Variants in CTDSPL2 observed in about 807,000 individuals in gnomAD.
CTDSPL2 encodes the protein CTD small phosphatase-like protein 2.
Under a neutral mutation model 60.0 loss-of-function variants are expected in CTDSPL2, and 5 were observed. The observed-to-expected ratio is 0.08, with a 90% CI of 0.04 to 0.18. The LOEUF (loss-of-function observed/expected upper bound fraction) is 0.18, where lower values mean the gene tolerates loss of function less well. CTDSPL2 is among the 10% of genes least tolerant of loss of function. The pLI is 1.00. For missense variants in CTDSPL2, 370 were observed against 548.8 expected, an observed-to-expected ratio of 0.67 and a Z score of 3.26; for synonymous variants, 186 against 189.3, an observed-to-expected ratio of 0.98 and a Z score of 0.14.
chr15:44,436,558 T>C (rs2141266955), intron 1 of CTDSPL2, among the ~76,000 whole-genome samples: 1 of 152,326 alleles, frequency 6.6e-6, no homozygotes. Context: ...AGTGCTAGAA[T>C]GATTGCATGA....
chr15:44,511,443 C>G (rs1032741270), intron 8 of CTDSPL2, among the ~76,000 whole-genome samples: 1 of 152,144 alleles, frequency 6.6e-6, no homozygotes, highest in Non-Finnish European at 1.5e-5. Context: ...ATATTGTTAA[C>G]TAGACATATT....
At chr15:44,431,720 T>TTTGTTTG in intron 1 of CTDSPL2, among the ~76,000 whole-genome samples, 1 of 129,652 alleles carries the variant, frequency 7.7e-6, no homozygotes, top group Non-Finnish European at 1.6e-5. Flanking sequence ...TTGTTTGTTT[T>TTTGTTTG]TTTTTTTTTT....
intron 1 of CTDSPL2, among the ~76,000 whole-genome samples, chr15:44,439,980 A>G (rs2080051962): frequency 6.6e-6 from 1 of 151,982 alleles, no homozygotes; most frequent in South Asian, 2.1e-4. Flanking sequence ...TTCTTTTTAG[A>G]TGATTGGTAG....
chr15:44,499,910 G>T (rs1204893329), intron 8 of CTDSPL2, 97 bp downstream of exon 8: 2 of 668,010 alleles, frequency 3.0e-6, no homozygotes, highest in East Asian at 5.4e-5. Context: ...CATTAAATGT[G>T]TTTTTCTGTA....
Position 44,521,291 on chromosome 15 carries a change from TTAC to T in CTDSPL2, c.1240-18_1240-16del. The T allele has an allele frequency of 8.7e-7, 1 of 1,154,718 alleles. No individual in the cohort carries two copies. Among genetic ancestry groups the T allele is most frequent in the Non-Finnish European group, 1.3e-6 (1 of 789,948 alleles). 71.5% of individuals were successfully genotyped at this position (1,154,718 alleles called of 1,614,324 possible). A position where few individuals can be genotyped will look rare whatever the true frequency, so the allele number is the denominator to read the frequency against. ...AAAATATAAGTAAAAGAGGATTTAATTACTTATTTATTGTTTTAGCTTTCTAAT... is the reference window on the plus strand; with the variant it reads ...AAAATATAAGTAAAAGAGGATTTAATTTATTTATTGTTTTAGCTTTCTAAT... On this transcript the variant is annotated splice_polypyrimidine_tract_variant and intron_variant, in intron 11 of 12. Transcript: ENST00000260327.
At chr15:44,488,904 A>G (rs1037866347) in intron 4 of CTDSPL2, among the ~76,000 whole-genome samples, 1 of 152,204 alleles carries the variant, frequency 6.6e-6, no homozygotes, top group Non-Finnish European at 1.5e-5. Context: ...GAAGGTGTGT[A>G]TATCTCTGAA....
chr15:44,475,205 T>G (rs1401979020), intron 2 of CTDSPL2, among the ~76,000 whole-genome samples: 1 of 152,056 alleles, frequency 6.6e-6, no homozygotes, highest in East Asian at 1.9e-4. Context: ...ATTCAGTGAT[T>G]TAACTTAGCA....
intron 6 of CTDSPL2, among the ~76,000 whole-genome samples, chr15:44,496,701 A>G (rs968061437): frequency 6.6e-6 from 1 of 152,142 alleles, no homozygotes; most frequent in Non-Finnish European, 1.5e-5. Flanking sequence ...TCCCTATAAA[A>G]AATACAGAAA....
intron 11 of CTDSPL2, chr15:44,520,794 T>G (rs1227060209): frequency 6.6e-6 from 1 of 152,188 alleles, no homozygotes; most frequent in East Asian, 1.9e-4. Flanking sequence ...GTTTTTAGGC[T>G]CCTCTTCAAT....
chr15:44,456,881 T>TG lies in CTDSPL2; in HGVS notation c.-24-2110_-24-2109insG, dbSNP rs1202831795. 4.6e-3 allele frequency among the ~76,000 whole-genome samples: 672 copies of TG among 146,152 alleles called. 6 individuals are homozygous for TG. The highest frequency in any genetic ancestry group is 0.016 in the African/African-American group (621 of 38,202). On this transcript the variant is annotated intron_variant, in intron 1 of 12. Coordinates refer to ENST00000260327, the MANE Select transcript of CTDSPL2 (RefSeq NM_016396.3). ...TTTTTTTTTTCTTTTTTTTTTTGTTTTTTTTTCTTTTTTTTGAAACAGGCT... is the reference window on the plus strand; with the variant it reads ...TTTTTTTTTTCTTTTTTTTTTTGTTTGTTTTTTCTTTTTTTTGAAACAGGCT...
At chr15:44,524,079 C>G in intron 12 of CTDSPL2, 30 bp from the exon 13 acceptor site, 1 of 1,591,680 alleles carries the variant, frequency 6.3e-7, no homozygotes. Context: ...AATTTTATGC[C>G]TTTTTAAAAA....
At chr15:44,479,406 C>CCTTTTTTTTTTTTTTTTTTTTTTTTTT (rs2080983556) in intron 2 of CTDSPL2, among the ~76,000 whole-genome samples, 1 of 133,334 alleles carries the variant, frequency 7.5e-6, no homozygotes, top group Non-Finnish European at 1.6e-5. Context: ...TATTTTCTTT[C>CCTTTTTTTTTTTTTTTTTTTTTTTTTT]CTTTTTTTTT....
At chr15:44,458,930 A>G (rs2080504105) in intron 1 of CTDSPL2, 61 bp from the exon 2 acceptor site, 1 of 1,122,966 alleles carries the variant, frequency 8.9e-7, no homozygotes, top group African/African-American at 1.6e-5. Flanking sequence ...ACATTTGGGT[A>G]GAGAAGGTTG....
chr15:44,488,597 G>A (rs999512889), intron 4 of CTDSPL2, among the ~76,000 whole-genome samples: 2 of 152,088 alleles, frequency 1.3e-5, no homozygotes, highest in African/African-American at 4.8e-5. Flanking sequence ...CGGATCACTT[G>A]AGGTCAGGAG....
chr15:44,507,285 A>G (rs946520839), intron 8 of CTDSPL2, among the ~76,000 whole-genome samples: 6 of 149,350 alleles, frequency 4.0e-5, no homozygotes, highest in Non-Finnish European at 7.4e-5. Flanking sequence ...GGGTTTCACC[A>G]TGTTGGCCAG....
chr15:44,466,672 C>T (rs963894553), intron 2 of CTDSPL2, among the ~76,000 whole-genome samples: 6 of 151,922 alleles, frequency 3.9e-5, no homozygotes, highest in Middle Eastern at 3.4e-3. Context: ...TGGCCGGGCG[C>T]GGTGGCTCAT....
rs2081015272 is a variant in CTDSPL2, at chr15:44,480,901, G to T, written c.187-3323G>T. Among the ~76,000 whole-genome samples, 3 of 152,308 alleles carry T rather than the reference G, an allele frequency of 2.0e-5. No homozygotes were observed. In the South Asian group the frequency reaches 6.2e-4, roughly 32 times the overall value. ...TAGGATTACTGTATTTAGTGAAACA[G>T]CTTATATAGTAATGTAGAAACTGTG... On this transcript the variant is annotated intron_variant, in intron 2 of 12. Coordinates refer to ENST00000260327, the MANE Select transcript of CTDSPL2 (RefSeq NM_016396.3).
At chr15:44,487,712 A>G (rs2081145231) in intron 4 of CTDSPL2, among the ~76,000 whole-genome samples, 1 of 152,242 alleles carries the variant, frequency 6.6e-6, no homozygotes, top group Non-Finnish European at 1.5e-5. Context: ...TGAAGAAGTC[A>G]TATAATAGAG....
intron 1 of CTDSPL2, among the ~76,000 whole-genome samples, chr15:44,447,410 T>C (rs552078779): frequency 3.7e-4 from 57 of 152,286 alleles, no homozygotes; most frequent in African/African-American, 1.0e-3. Context: ...TATTACAATC[T>C]CAATGCAAAC....
Sources: allele counts gnomAD v4.1 joint callset (sites outside exome capture counted in the v4.1 genomes callset), GRCh38; gene constraint gnomAD v4.1.1; transcripts MANE v1.5; gene names NCBI Gene and HGNC (gene_info 2026-07-23, HGNC 2026-07-21).